Variants in EHBP1 observed in about 807,000 individuals in gnomAD.
The protein encoded by EHBP1 is EH domain-binding protein 1.
EHBP1 carries 55 observed loss-of-function variants against 144.0 expected under a neutral mutation model. The ratio of observed to expected loss-of-function variants is 0.38; its 90% CI spans 0.31 to 0.48. EHBP1 has a LOEUF of 0.48. Ranked by LOEUF, EHBP1 falls within the 20% of genes least tolerant of loss-of-function variation. EHBP1 has a pLI of 0.98. For missense variants in EHBP1, 1,200 were observed against 1,364.2 expected (o/e 0.88, Z 1.90); for synonymous variants, 469 against 472.7 (o/e 0.99, Z 0.10).
intron 2 of EHBP1, among the ~76,000 whole-genome samples, chr2:62,718,145 T>C (rs2035868517): frequency 6.6e-6 from 1 of 152,212 alleles, no homozygotes; most frequent in African/African-American, 2.4e-5. Flanking sequence ...ATAATGTTTA[T>C]GTTGACCATT....
chr2:63,018,056 T>C (rs1192812766), intron 19 of EHBP1, among the ~76,000 whole-genome samples: 1 of 152,118 alleles, frequency 6.6e-6, no homozygotes. Context: ...TCCCAGCTAC[T>C]CAAGAGGCTG....
At chr2:62,985,908 G>C (rs2059168805) in intron 15 of EHBP1, among the ~76,000 whole-genome samples, 1 of 152,168 alleles carries the variant, frequency 6.6e-6, no homozygotes, top group African/African-American at 2.4e-5. Flanking sequence ...CTTTAAGGTA[G>C]AATAAATGTC....
chr2:62,853,278 T>C (rs1263611090), intron 7 of EHBP1, among the ~76,000 whole-genome samples: 1 of 152,198 alleles, frequency 6.6e-6, no homozygotes, highest in East Asian at 1.9e-4. Flanking sequence ...TATACTGTAG[T>C]CTGTTAAGTG....
intron 5 of EHBP1, among the ~76,000 whole-genome samples, chr2:62,786,739 A>G (rs772839189): frequency 2.0e-5 from 3 of 152,214 alleles, no homozygotes; most frequent in Non-Finnish European, 4.4e-5. Context: ...AGAATTAAGT[A>G]TATAGTTATG....
intron 19 of EHBP1, among the ~76,000 whole-genome samples, chr2:63,028,266 A>G (rs756787747): frequency 5.3e-5 from 8 of 152,172 alleles, no homozygotes; most frequent in Non-Finnish European, 1.2e-4. Context: ...GGTACATAGG[A>G]AGGATATATC....
intron 10 of EHBP1, among the ~76,000 whole-genome samples, chr2:62,925,883 C>T (rs371840171): frequency 1.2e-4 from 18 of 152,142 alleles, no homozygotes; most frequent in Admixed American, 1.0e-3. Context: ...TTACATTCTT[C>T]ACAGAAATAG....
intron 10 of EHBP1, among the ~76,000 whole-genome samples, chr2:62,922,342 C>T (rs929354206): frequency 6.6e-6 from 1 of 152,086 alleles, no homozygotes; most frequent in African/African-American, 2.4e-5. Context: ...CAGCTCAAAC[C>T]CATGTTGTTC....
At chr2:62,889,550 T>C (rs914255871) in intron 10 of EHBP1, among the ~76,000 whole-genome samples, 4 of 152,192 alleles carry the variant, frequency 2.6e-5, no homozygotes, top group Non-Finnish European at 4.4e-5. Context: ...TTTAAGTCTT[T>C]AATCTATCTT....
At chr2:63,031,488 T>G (rs1412297757) in intron 19 of EHBP1, among the ~76,000 whole-genome samples, 1 of 152,230 alleles carries the variant, frequency 6.6e-6, no homozygotes, top group Non-Finnish European at 1.5e-5. Flanking sequence ...GCTTTGGAGT[T>G]CTGAGTGTTT....
At chr2:62,793,543 A>T (rs534087009) in intron 5 of EHBP1, among the ~76,000 whole-genome samples, 1 of 152,240 alleles carries the variant, frequency 6.6e-6, no homozygotes, top group African/African-American at 2.4e-5. Context: ...CAACAAGTAG[A>T]TCATATAAAA....
At chr2:62,853,523 G>T (rs751041461) in intron 7 of EHBP1, among the ~76,000 whole-genome samples, 4 of 152,150 alleles carry the variant, frequency 2.6e-5, no homozygotes, top group Non-Finnish European at 5.9e-5. Flanking sequence ...CAACCATGAA[G>T]ATCAGAATCA....
chr2:62,802,974 G>C (rs144674426), intron 5 of EHBP1, among the ~76,000 whole-genome samples: 2 of 152,120 alleles, frequency 1.3e-5, no homozygotes, highest in East Asian at 3.9e-4. Flanking sequence ...ATCCGCCCAC[G>C]TTGGCCTCCC....
chr2:62,940,635 T>C lies in EHBP1; in HGVS notation c.1186-2083T>C, dbSNP rs2056697450. ...TTTCTGTAAAATATTAGGTAAAAGG[T>C]CAGTTCTGGAGTAGATGATTTCATT... On this transcript the variant is annotated intron_variant, in intron 10 of 22. Coordinates refer to ENST00000431489, the MANE Select transcript of EHBP1 (RefSeq NM_001142616.3). Among the ~76,000 whole-genome samples, 4 of 152,254 alleles carry C rather than the reference T, an allele frequency of 2.6e-5. No individual in the cohort carries two copies. The South Asian group carries it at 8.3e-4, about 32-fold the overall frequency.
intron 2 of EHBP1, among the ~76,000 whole-genome samples, chr2:62,709,478 A>G (rs1294636689): frequency 6.6e-6 from 1 of 152,170 alleles, no homozygotes; most frequent in Non-Finnish European, 1.5e-5. Context: ...CAGTTAGAAA[A>G]TCAGTTTCTT....
chr2:62,707,617 G>A (rs960572245), intron 2 of EHBP1, among the ~76,000 whole-genome samples: 61 of 152,280 alleles, frequency 4.0e-4, no homozygotes, highest in African/African-American at 1.3e-3. Context: ...AGGAGACAAA[G>A]AATGGCTACT....
At chr2:62,680,991 C>T (rs2033492736) in intron 1 of EHBP1, among the ~76,000 whole-genome samples, 1 of 151,888 alleles carries the variant, frequency 6.6e-6, no homozygotes, top group African/African-American at 2.4e-5. Flanking sequence ...GAATATCAAA[C>T]AAGATAGGAA....
At chr2:62,770,942 G>A (rs1425481804) in intron 4 of EHBP1, among the ~76,000 whole-genome samples, 3 of 152,170 alleles carry the variant, frequency 2.0e-5, no homozygotes, top group Non-Finnish European at 4.4e-5. Context: ...TTATAAGTGG[G>A]AGCTAAGTGA....
At chr2:62,791,193 T>G (rs957805588) in intron 5 of EHBP1, among the ~76,000 whole-genome samples, 1 of 152,048 alleles carries the variant, frequency 6.6e-6, no homozygotes, top group Non-Finnish European at 1.5e-5. Flanking sequence ...CAACTTTAAG[T>G]AGTACATGTA....
At chr2:62,769,795 T>TA (rs70962794) in intron 4 of EHBP1, among the ~76,000 whole-genome samples, 12,898 of 73,716 alleles carry the variant, frequency 0.17, 1,021 homozygotes, top group Non-Finnish European at 0.23. Context: ...ATGGTACTGG[T>TA]AAAAAAAAAA....
Sources: gnomAD v4.1 joint callset for allele counts (sites outside exome capture counted in the v4.1 genomes callset) on GRCh38, gnomAD v4.1.1 for gene constraint, MANE v1.5 for transcripts, NCBI Gene and HGNC (gene_info 2026-07-23, HGNC 2026-07-21) for gene names.